PHLDB1: variants seen among roughly 807,000 people sequenced by gnomAD.
PHLDB1 encodes pleckstrin homology-like domain family B member 1.
In PHLDB1, 65 loss-of-function variants were observed where a neutral mutation model predicts 139.3. The ratio of observed to expected loss-of-function variants is 0.47; its 90% CI spans 0.38 to 0.57. The LOEUF is 0.57. PHLDB1 is among the 20% of genes least tolerant of loss of function. The probability of loss-of-function intolerance (pLI) is 0.00; values close to 1 mark genes in which losing one functional copy is unlikely to be tolerated. For missense variants in PHLDB1, 1,624 were observed against 1,839.7 expected, an observed-to-expected ratio of 0.88 and a Z score of 2.14; for synonymous variants, 679 against 734.5, an observed-to-expected ratio of 0.92 and a Z score of 1.22.
rs1939485952 is a variant in PHLDB1 at position 118,608,230 on chromosome 11, G to C, written c.-22+531G>C. On this transcript the variant is annotated intron_variant, in intron 1 of 22. Transcript: ENST00000600882. This position sits in a 1 kb window ranked among gnomAD's most constrained non-coding sequence, Gnocchi z 6.7. The stretch of plus-strand genomic sequence containing the variant: ...TCCGGCTCAGAGTCTTGAGCGTCTA[G>C]GAGGGCTGCCTGGGGGTGTCCAGGA... Among the ~76,000 whole-genome samples the C allele has an allele frequency of 6.6e-6, 1 of 152,122 alleles. No homozygotes were observed. The highest frequency in any genetic ancestry group is 2.4e-5 in the African/African-American group (1 of 41,442).
intron 4 of PHLDB1, among the ~76,000 whole-genome samples, chr11:118,619,802 G>C (rs1180231362): frequency 2.6e-5 from 4 of 152,208 alleles, no homozygotes; most frequent in African/African-American, 9.6e-5. Flanking sequence ...GGGTGAGTGG[G>C]CTAGTGGGCT....
At chr11:118,612,165 T>C (rs1555084600) in intron 1 of PHLDB1, among the ~76,000 whole-genome samples, 1 of 151,278 alleles carries the variant, frequency 6.6e-6, no homozygotes, top group East Asian at 2.0e-4. Context: ...TCCATTACTC[T>C]AGTTTTATAG....
chr11:118,646,061 C>T (rs1393318895), intron 17 of PHLDB1, among the ~76,000 whole-genome samples: 1 of 152,048 alleles, frequency 6.6e-6, no homozygotes, highest in Non-Finnish European at 1.5e-5. Context: ...GAGATCGAAA[C>T]CATCCTGGCT....
chr11:118,616,266 T>C (rs1247767209), intron 4 of PHLDB1, 55 bp downstream of exon 4: 1 of 1,519,122 alleles, frequency 6.6e-7, no homozygotes. Context: ...CTTGTGTGTA[T>C]TAGGCACAGG....
Position 118,620,903 on chromosome 11 carries a change from A to G in PHLDB1, c.356-4031A>G, listed in dbSNP as rs559533109. Among the ~76,000 whole-genome samples, 5 of 152,314 alleles carry G rather than the reference A, an allele frequency of 3.3e-5. No individual in the cohort carries two copies. Among genetic ancestry groups the G allele is most frequent in the East Asian group, 1.9e-4 (1 of 5,186 alleles). On this transcript the variant is annotated intron_variant, in intron 4 of 22. Coordinates refer to ENST00000600882, the MANE Select transcript of PHLDB1 (RefSeq NM_001144758.3). The surrounding 1 kb of genome is among the most constrained non-coding windows in gnomAD (Gnocchi z 4.1). The stretch of plus-strand genomic sequence containing the variant: ...ACCCAGTGACCTAGCTGGATCCTGT[A>G]GAGCCCCTGCTCTTTTCCTCTCCCT...
chr11:118,630,977 T>C (rs1214622013), intron 6 of PHLDB1, among the ~76,000 whole-genome samples: 7 of 148,928 alleles, frequency 4.7e-5, no homozygotes, highest in East Asian at 2.2e-4. Context: ...CAGGCTGTTA[T>C]GCCATGTGGG....
At position 118,645,671 on chromosome 11, in the gene PHLDB1, C is replaced by T. The variant is rs782793288; in HGVS notation, c.3416+21C>T. 6.2e-6 allele frequency: 10 copies of T among 1,613,194 alleles called. No individual in the cohort carries two copies. In the East Asian group the frequency reaches 8.9e-5, roughly 14 times the overall value. On this transcript the variant is annotated intron_variant, in intron 16 of 22. Transcript: ENST00000600882. This position sits in a 1 kb window ranked among gnomAD's most constrained non-coding sequence, Gnocchi z 5.1. ...TCCAGGTACACCCGACGCCTGGGCC[C>T]GCAGCCTCCCTCAGCCACCGCCTCA... is the stretch of plus-strand genomic sequence containing the variant.
rs982432805 is a variant in PHLDB1, at chr11:118,611,099, C to T, written c.-21-2717C>T. The stretch of plus-strand genomic sequence containing the variant: ...GGCCGCAGGTGAGGGACGTCCCTCG[C>T]GTAGCGCCACTCAGCCGCCGGGGCC... On this transcript the variant is annotated intron_variant, in intron 1 of 22. Transcript: ENST00000600882. The surrounding 1 kb of genome is among the most constrained non-coding windows in gnomAD (Gnocchi z 4.7). Among the ~76,000 whole-genome samples, 13 of 152,256 alleles carry T rather than the reference C, an allele frequency of 8.5e-5. 1 individual carries two copies. Among genetic ancestry groups the T allele is most frequent in the African/African-American group, 2.9e-4 (12 of 41,568 alleles).
chr11:118,654,712 T>TC (rs1472568777), intron 20 of PHLDB1: 4 of 78,020 alleles, frequency 5.1e-5, no homozygotes, highest in Non-Finnish European at 7.2e-5. Context: ...TCTTTCTTTC[T>TC]CTTTTTTTTT....
Position 118,614,662 on chromosome 11 carries a change from C to T in PHLDB1, c.164C>T (p.Thr55Ile), listed in dbSNP as rs1555087244. ...AGTGGGCGACTCAGCACAGCCATCA[C>T]CCTCCTGCCGCTGGAGGAAGGTAAG... is the stretch of plus-strand genomic sequence containing the variant. Reference protein sequence around the residue: ...LGSGRLSTAITLLPLEEGRTV... With the variant: ...LGSGRLSTAIILLPLEEGRTV... Residue 55 changes from threonine to isoleucine, a missense_variant, in exon 3 of 23, where the codon ACC becomes ATC. Physicochemically the swap from Thr to Ile is moderately conservative, Grantham distance 89 (BLOSUM62 -1). Transcript: ENST00000600882. 6.2e-7 allele frequency: 1 copy of T among 1,613,812 alleles called. No homozygotes were observed. The highest frequency in any genetic ancestry group is 8.5e-7 in the Non-Finnish European group (1 of 1,179,916).
intron 10 of PHLDB1, among the ~76,000 whole-genome samples, chr11:118,635,863 A>C (rs1945558231): frequency 1.3e-5 from 2 of 152,156 alleles, no homozygotes; most frequent in Admixed American, 6.5e-5. Context: ...GAGGAGGAGG[A>C]GGCTTGCCCC....
chr11:118,639,306 C>G, intron 12 of PHLDB1, 55 bp downstream of exon 12: 1 of 1,302,144 alleles, frequency 7.7e-7, no homozygotes, highest in Non-Finnish European at 1.1e-6. Flanking sequence ...CTGGGAGGCT[C>G]TGAGTAACAC....
chr11:118,639,721 A>T, intron 12 of PHLDB1: 1 of 402,464 alleles, frequency 2.5e-6, no homozygotes, highest in Non-Finnish European at 3.5e-6. Context: ...TGTGAATTCC[A>T]AATAGAACAT....
chr11:118,624,757 C>A (rs1943550732), intron 4 of PHLDB1, 177 bp from the exon 5 acceptor site: 2 of 590,680 alleles, frequency 3.4e-6, no homozygotes, highest in Non-Finnish European at 6.0e-6. Flanking sequence ...TTACAGGCGT[C>A]CACCACCACA....
intron 12 of PHLDB1, chr11:118,642,009 C>T: frequency 3.2e-6 from 2 of 616,026 alleles, no homozygotes; most frequent in South Asian, 3.9e-5. Context: ...TTCAGGGCAA[C>T]TGTTGTCTCA....
Position 118,625,037 on chromosome 11 carries a change from G to A in PHLDB1, c.459G>A (p.Gly153=). The A allele has an allele frequency of 6.2e-7, 1 of 1,611,830 alleles. No homozygotes were observed. ...TTCCAGCAGGGGGCCGAGCCCCTGG[G>A]CCCCCCTACAGCCCTGTTCCTGGTA... The part of the protein sequence containing the change: ...SMIPAGGRAP[G]PPYSPVPAES... Residue 153 remains glycine, a synonymous_variant, in exon 5 of 23, where the codon GGG becomes GGA. Transcript: ENST00000600882.
rs1171322990 is a variant in PHLDB1, at chr11:118,608,102, C to T, written c.-22+403C>T. Among the ~76,000 whole-genome samples, 1 of 152,056 alleles carries T rather than the reference C, an allele frequency of 6.6e-6. No homozygotes were observed. The highest frequency in any genetic ancestry group is 1.5e-5 in the Non-Finnish European group (1 of 67,974). On this transcript the variant is annotated intron_variant, in intron 1 of 22. Coordinates refer to ENST00000600882, the MANE Select transcript of PHLDB1 (RefSeq NM_001144758.3). The surrounding 1 kb of genome is among the most constrained non-coding windows in gnomAD (Gnocchi z 6.7). ...CGTCCTCCAGCGCCCCACACCTCCC[C>T]CTCTCCGCCCACAGCAGGACCTTGG...
In PHLDB1 at chr11:118,643,873, C is replaced by T. The variant is rs782010398; in HGVS notation, c.2951C>T (p.Ser984Phe). Residue 984 changes from serine (S) to phenylalanine (F), a missense_variant, in exon 14 of 23, where the codon TCC becomes TTC. Ser to Phe is a radical substitution (Grantham distance 155). Coordinates refer to ENST00000600882, the MANE Select transcript of PHLDB1 (RefSeq NM_001144758.3). ...PRTRSGPLPSSSGSSSSSSQL... is the reference protein window; with the variant it reads ...PRTRSGPLPSFSGSSSSSSQL... ...ACCCGCAGCGGCCCCCTCCCCTCCT[C>T]CTCTGGCTCTTCCTCCTCCTCCTCC... is the stretch of plus-strand genomic sequence containing the variant. 3 of 1,612,922 alleles carry T rather than the reference C, an allele frequency of 1.9e-6. No individual in the cohort carries two copies. Among genetic ancestry groups the T allele is most frequent in the Non-Finnish European group, 1.7e-6 (2 of 1,179,442 alleles).
intron 6 of PHLDB1, among the ~76,000 whole-genome samples, chr11:118,629,457 C>T (rs571001): frequency 0.32 from 47,893 of 151,802 alleles, 7,839 homozygotes; most frequent in Admixed American, 0.43. Context: ...TGTACACAGT[C>T]GAGCCCATGT....
Sources: allele counts gnomAD v4.1 joint callset (sites outside exome capture counted in the v4.1 genomes callset), GRCh38; gene constraint gnomAD v4.1.1; non-coding constraint Gnocchi (gnomAD v3.1); transcripts MANE v1.5; gene names NCBI Gene and HGNC (gene_info 2026-07-23, HGNC 2026-07-21).